ATIC: variants seen among roughly 807,000 people sequenced by gnomAD.
ATIC encodes 5-aminoimidazole-4-carboxamide ribonucleotide formyltransferase/IMP cyclohydrolase, also known as bifunctional purine biosynthesis protein ATIC.
Under a neutral mutation model 72.5 loss-of-function variants are expected in ATIC, and 64 were observed. That is an observed-to-expected ratio of 0.88 (90% CI 0.72 to 1.09). ATIC has a LOEUF of 1.09. Among genes scored for constraint, ATIC ranks in the 50% least tolerant of loss-of-function variants. ATIC has a pLI of 0.00. For missense variants in ATIC, 787 were observed against 732.4 expected (o/e 1.07, Z -0.86); for synonymous variants, 281 against 267.1 (o/e 1.05, Z -0.51).
downstream of ATIC, among the ~76,000 whole-genome samples, chr2:215,351,150 T>C (rs1019188862): frequency 3.9e-5 from 6 of 152,172 alleles, no homozygotes; most frequent in Non-Finnish European, 8.8e-5. Context: ...TAAGCAGCCC[T>C]CCACAAGGAG....
intron 9 of ATIC, among the ~76,000 whole-genome samples, 170 bp downstream of exon 9, chr2:215,333,627 A>G (rs2052920061): frequency 6.6e-6 from 1 of 152,204 alleles, no homozygotes; most frequent in South Asian, 2.1e-4. Context: ...TCTATATAAT[A>G]TAGTTTGATT....
chr2:215,312,081 A>G lies in ATIC; in HGVS notation c.-62A>G, dbSNP rs1056064694. On this transcript the variant is annotated 5_prime_UTR_variant, in exon 1 of 16. Transcript: ENST00000236959. ...GCCGCCACATCCCGGCAGCCCTCCT[A>G]CCTGCGCACGTGGTGCCGCCGCTGC... 2.0e-6 allele frequency: 3 copies of G among 1,529,128 alleles called. No individual in the cohort carries two copies. The highest frequency in any genetic ancestry group is 1.4e-5 in the African/African-American group (1 of 72,192). The allele number at this position is 1,529,128 out of a possible 1,614,324, so 94.7% of individuals were successfully genotyped here. A position where few individuals can be genotyped will look rare whatever the true frequency, so the allele number is the denominator to read the frequency against.
chr2:215,319,582 ATTGAAGACACTATG>A (rs2052745534), intron 3 of ATIC, 69 bp from the exon 4 acceptor site: 3 of 1,015,148 alleles, frequency 3.0e-6, no homozygotes, highest in Middle Eastern at 2.5e-4. Context: ...ATTTAATTTG[ATTGAAGACACTATG>A]TTGAAAGACA....
At chr2:215,331,483 A>G (rs1271051248) in intron 7 of ATIC, among the ~76,000 whole-genome samples, 1 of 151,186 alleles carries the variant, frequency 6.6e-6, no homozygotes, top group African/African-American at 2.4e-5. Flanking sequence ...TCCAGGTTCA[A>G]GCGATTCTCC....
chr2:215,330,763 G>A (rs1486426803), intron 7 of ATIC, among the ~76,000 whole-genome samples: 1 of 140,064 alleles, frequency 7.1e-6, no homozygotes, highest in Non-Finnish European at 1.5e-5. Flanking sequence ...AGCTGGTTTT[G>A]ATATCCTGGG....
chr2:215,313,033 G>A (rs2052671835), intron 2 of ATIC, among the ~76,000 whole-genome samples: 1 of 147,860 alleles, frequency 6.8e-6, no homozygotes, highest in South Asian at 2.2e-4. Context: ...GGAGGCGGAG[G>A]TTGTGGTGAG....
intron 2 of ATIC, 110 bp from the exon 3 acceptor site, chr2:215,318,047 C>T (rs75285060): frequency 0.21 from 203,994 of 954,730 alleles, 24,421 homozygotes; most frequent in East Asian, 0.48. Context: ...AGAATTTTCA[C>T]GTTGAATTCA....
At chr2:215,333,282 T>C in intron 8 of ATIC, 68 bp from the exon 9 acceptor site, 1 of 1,357,316 alleles carries the variant, frequency 7.4e-7, no homozygotes, top group East Asian at 2.3e-5. Context: ...GAAAACTGTC[T>C]TGATTTAGGA....
At chr2:215,367,884 G>T in the ATIC span, 1 of 1,613,994 alleles carries the variant, frequency 6.2e-7, no homozygotes, top group South Asian at 1.1e-5. Context: ...CATCTGAAAT[G>T]ACCACTTCCA....
In ATIC at chr2:215,326,142, G is replaced by A. The variant is rs1298864610; in HGVS notation, c.531+4G>A. 2 of 1,613,802 alleles carry A rather than the reference G, an allele frequency of 1.2e-6. No homozygotes were observed. The highest frequency in any genetic ancestry group is 1.7e-5 in the Admixed American group (1 of 60,006). ...TAGACGCCAGTTAGCCTTGAAGGTG[G>A]GATGCACTTTCATGATATTGTAAGT... On this transcript the variant is annotated splice_donor_region_variant and intron_variant, in intron 6 of 15. Transcript: ENST00000236959.
intron 12 of ATIC, among the ~76,000 whole-genome samples, chr2:215,341,788 C>T (rs949817063): frequency 2.0e-5 from 3 of 152,156 alleles, no homozygotes; most frequent in Admixed American, 6.5e-5. Flanking sequence ...TGGCATTTCT[C>T]GTATGCCTTG....
At chr2:215,313,336 G>A (rs1361879407) in intron 2 of ATIC, among the ~76,000 whole-genome samples, 1 of 152,092 alleles carries the variant, frequency 6.6e-6, no homozygotes, top group Non-Finnish European at 1.5e-5. Flanking sequence ...AGAATCTCTG[G>A]TAACCATATG....
chr2:215,328,441 G>A (rs1022832664), intron 7 of ATIC, among the ~76,000 whole-genome samples: 9 of 151,898 alleles, frequency 5.9e-5, no homozygotes, highest in Non-Finnish European at 1.0e-4. Flanking sequence ...CTCTCCCTGC[G>A]CCTGCTGCTA....
At chr2:215,317,653 T>C (rs970913579) in intron 2 of ATIC, among the ~76,000 whole-genome samples, 1 of 152,012 alleles carries the variant, frequency 6.6e-6, no homozygotes, top group Admixed American at 6.6e-5. Context: ...GCTCGGCTAA[T>C]TTTTTGTATT....
chr2:215,324,177 A>G (rs113257362), intron 4 of ATIC, among the ~76,000 whole-genome samples: 3,164 of 152,330 alleles, frequency 0.021, 99 homozygotes, highest in African/African-American at 0.072. Context: ...GATTATAGGC[A>G]TGAGCCACTG....
chr2:215,328,144 G>C (rs2052850200), intron 7 of ATIC, among the ~76,000 whole-genome samples: 2 of 151,946 alleles, frequency 1.3e-5, no homozygotes, highest in South Asian at 4.1e-4. Flanking sequence ...AGAGTGCTGG[G>C]ATTACAGGCG....
At chr2:215,337,888 C>T (rs1346890654) in intron 11 of ATIC, among the ~76,000 whole-genome samples, 1 of 152,098 alleles carries the variant, frequency 6.6e-6, no homozygotes, top group Non-Finnish European at 1.5e-5. Context: ...GCACATTGGA[C>T]GCATGATTAT....
chr2:215,368,382 A>C, the ATIC span, among the ~76,000 whole-genome samples: 1 of 152,210 alleles, frequency 6.6e-6, no homozygotes, highest in Non-Finnish European at 1.5e-5. Flanking sequence ...CTCCATTGGT[A>C]CCTGAGTGAC....
chr2:215,312,659 G>T, intron 2 of ATIC, 35 bp downstream of exon 2: 1 of 1,613,958 alleles, frequency 6.2e-7, no homozygotes. Flanking sequence ...AAAGGAGTGT[G>T]ATCACATTAA....
Sources: allele counts gnomAD v4.1 joint callset (sites outside exome capture counted in the v4.1 genomes callset), GRCh38; gene constraint gnomAD v4.1.1; transcripts MANE v1.5; gene names NCBI Gene and HGNC (gene_info 2026-07-23, HGNC 2026-07-21).